The following NGLY1 variants were observed in gnomAD, a reference collection of about 807,000 sequenced individuals.
NGLY1 encodes N-glycanase 1.
Under a neutral mutation model 84.6 loss-of-function variants are expected in NGLY1, and 68 were observed. The observed-to-expected ratio is 0.80, with a 90% CI of 0.66 to 0.98. The LOEUF is 0.98. Ranked by LOEUF, NGLY1 falls within the 50% of genes least tolerant of loss-of-function variation. NGLY1 has a pLI of 0.00. For missense variants in NGLY1, 779 were observed against 770.2 expected, an observed-to-expected ratio of 1.01 and a Z score of -0.14; for synonymous variants, 280 against 275.2, an observed-to-expected ratio of 1.02 and a Z score of -0.17.
At position 25,720,109 on chromosome 3, in the gene NGLY1, T is replaced by C. The variant is rs1704907974; in HGVS notation, c.1694A>G (p.Asp565Gly). ...ACTACTTGTTCTAATAGAAATGCTA[T>C]CTACTTTTAGGCCAACTGACCCACA... ...FECGSVGLKVDSISIRTSSQT... is the reference protein window; with the variant it reads ...FECGSVGLKVGSISIRTSSQT... Residue 565 changes from aspartate (D) to glycine (G), a missense_variant, in exon 11 of 12, where the codon GAT becomes GGT. Physicochemically the swap from Asp to Gly is moderately conservative, Grantham distance 94. Transcript: ENST00000280700. 6.2e-7 allele frequency: 1 copy of C among 1,613,856 alleles called. No homozygotes were observed. Among genetic ancestry groups the C allele is most frequent in the African/African-American group, 1.3e-5 (1 of 75,040 alleles).
chr3:25,750,392 C>T (rs1706673891), intron 4 of NGLY1, among the ~76,000 whole-genome samples: 1 of 152,114 alleles, frequency 6.6e-6, no homozygotes, highest in East Asian at 1.9e-4. Context: ...GTGAAATAAA[C>T]CAGTCACCAA....
chr3:25,783,521 TCGGCCGGCAGGGGCGGGGTCC>T, upstream of NGLY1: 1 of 715,420 alleles, frequency 1.4e-6, no homozygotes, highest in African/African-American at 2.4e-5. The surrounding 1 kb of genome is among the most constrained non-coding windows in gnomAD (Gnocchi z 4.5). Context: ...GGCGGGGTCC[TCGGCCGGCAGGGGCGGGGTCC>T]TCGGCCGGCA....
chr3:25,741,559 A>G (rs879380776), intron 4 of NGLY1, among the ~76,000 whole-genome samples: 4 of 152,150 alleles, frequency 2.6e-5, no homozygotes, highest in Non-Finnish European at 5.9e-5. Flanking sequence ...GGAAGGTCTT[A>G]GGCAAGCAAG....
intron 2 of NGLY1, among the ~76,000 whole-genome samples, chr3:25,774,353 G>C (rs1708050618): frequency 1.3e-5 from 2 of 152,112 alleles, no homozygotes; most frequent in Non-Finnish European, 1.5e-5. Flanking sequence ...TCAGGCAGTG[G>C]GCAGGGCCAT....
intron 6 of NGLY1, chr3:25,736,598 G>C (rs1203390891): frequency 4.6e-6 from 2 of 435,390 alleles, no homozygotes; most frequent in African/African-American, 4.1e-5. Flanking sequence ...ACTATTAATG[G>C]AAGGTTTCAT....
intron 5 of NGLY1, among the ~76,000 whole-genome samples, chr3:25,738,810 G>A (rs1705975812): frequency 6.6e-6 from 1 of 151,700 alleles, no homozygotes; most frequent in Non-Finnish European, 1.5e-5. Context: ...TATGTCCTAA[G>A]CTAAAAAAAA....
chr3:25,787,100 T>G (rs1406231738), upstream of NGLY1, among the ~76,000 whole-genome samples: 1 of 152,204 alleles, frequency 6.6e-6, no homozygotes, highest in Non-Finnish European at 1.5e-5. Context: ...ATCTGTGTGG[T>G]AACAAGCCCT....
intron 5 of NGLY1, 109 bp downstream of exon 5, chr3:25,739,468 A>G (rs1016839490): frequency 1.1e-5 from 12 of 1,079,868 alleles, no homozygotes; most frequent in Admixed American, 2.6e-5. Context: ...CCGGTATTTT[A>G]GAGGAATATA....
intron 2 of NGLY1, among the ~76,000 whole-genome samples, chr3:25,769,676 T>C (rs1707799063): frequency 6.6e-6 from 1 of 152,182 alleles, no homozygotes; most frequent in African/African-American, 2.4e-5. Context: ...TACCATATGA[T>C]CCAGTAATCC....
chr3:25,766,232 A>G (rs1707566146), intron 2 of NGLY1, among the ~76,000 whole-genome samples: 1 of 151,774 alleles, frequency 6.6e-6, no homozygotes, highest in African/African-American at 2.4e-5. Flanking sequence ...CACCTGGGTA[A>G]TTTTTGTATT....
At chr3:25,762,201 A>G (rs1707352368) in intron 3 of NGLY1, among the ~76,000 whole-genome samples, 2 of 152,126 alleles carry the variant, frequency 1.3e-5, no homozygotes, top group Admixed American at 1.3e-4. Context: ...TAGTTTATAC[A>G]CAGGTTAAAT....
Position 25,729,192 on chromosome 3 carries a change from C to T in NGLY1, c.1552G>A (p.Glu518Lys). 1 of 1,561,684 alleles carries T rather than the reference C, an allele frequency of 6.4e-7. No individual in the cohort carries two copies. Among genetic ancestry groups the T allele is most frequent in the East Asian group, 2.3e-5 (1 of 42,692 alleles). ...GATTCCATTTTCCACACGCCATTCT[C>T]CCATCCAGAAATGGTTTGATTGTTA... ...SNNNQTISGW[E>K]NGVWKMESIF... The change falls in exon 10 of 12, where the codon GAG (glutamate) becomes AAG (lysine). Residue 518 changes from glutamate to lysine, a missense_variant. Glu to Lys is a moderately conservative substitution (Grantham distance 56). Coordinates refer to ENST00000280700, the MANE Select transcript of NGLY1 (RefSeq NM_018297.4).
At chr3:25,749,131 G>A (rs1161369079) in intron 4 of NGLY1, among the ~76,000 whole-genome samples, 1 of 152,200 alleles carries the variant, frequency 6.6e-6, no homozygotes, top group Admixed American at 6.5e-5. Context: ...TAGAACACTT[G>A]TGCACTGTTA....
In NGLY1 at chr3:25,740,425, T is replaced by C. The variant is rs144999157; in HGVS notation, c.659-626A>G. ...CACTTTTCCATAAACAGATCTCTCT[T>C]GTTCATATTCAAGACCATGGTATCT... is the stretch of plus-strand genomic sequence containing the variant. On this transcript the variant is annotated intron_variant, in intron 4 of 11. Transcript: ENST00000280700. Among the ~76,000 whole-genome samples the C allele has an allele frequency of 4.1e-3, 629 of 152,258 alleles. 4 individuals carry two copies. The highest frequency in any genetic ancestry group is 0.015 in the African/African-American group (607 of 41,550).
chr3:25,735,752 A>T, intron 7 of NGLY1: 1 of 321,452 alleles, frequency 3.1e-6, no homozygotes, highest in Non-Finnish European at 5.7e-6. Context: ...ATGGCAGCTT[A>T]ATTTGAAATT....
intron 7 of NGLY1, 79 bp from the exon 8 acceptor site, chr3:25,734,061 G>C: frequency 6.4e-7 from 1 of 1,556,964 alleles, no homozygotes; most frequent in East Asian, 2.3e-5. Context: ...TAGAATGTAT[G>C]TAATTTTTAA....
chr3:25,751,034 A>G lies in NGLY1; in HGVS notation c.658+64T>C. ...GTTCTTCAAGGGTCAGTTGTATTTC[A>G]GTATTTTCTGTTTATTTAGCAATGA... On this transcript the variant is annotated intron_variant, in intron 4 of 11. Transcript: ENST00000280700. 3 of 1,492,320 alleles carry G rather than the reference A, an allele frequency of 2.0e-6. No individual in the cohort carries two copies. The South Asian group carries it at 3.7e-5, about 18-fold the overall frequency. The allele number at this position is 1,492,320 out of a possible 1,614,324, so 92.4% of individuals were successfully genotyped here.
chr3:25,720,219 G>A (rs1050545380), intron 10 of NGLY1, 28 bp from the exon 11 acceptor site: 1 of 1,558,638 alleles, frequency 6.4e-7, no homozygotes, highest in Non-Finnish European at 8.8e-7. Flanking sequence ...GGGGAGAAAG[G>A]AACTGTCAGA....
intron 3 of NGLY1, chr3:25,755,403 T>G: frequency 3.5e-6 from 5 of 1,422,292 alleles, no homozygotes; most frequent in African/African-American, 1.4e-5. Context: ...CCTACTATAG[T>G]GACCCCACAA....
Sources: gnomAD v4.1 joint callset for allele counts (sites outside exome capture counted in the v4.1 genomes callset) on GRCh38, gnomAD v4.1.1 for gene constraint, Gnocchi (gnomAD v3.1) non-coding constraint, MANE v1.5 for transcripts, NCBI Gene and HGNC (gene_info 2026-07-23, HGNC 2026-07-21) for gene names.